PRKCH: variants seen among roughly 807,000 people sequenced by gnomAD.
PRKCH encodes protein kinase C eta.
Under a neutral mutation model 82.5 loss-of-function variants are expected in PRKCH, and 28 were observed. The ratio of observed to expected loss-of-function variants is 0.34; its 90% CI spans 0.25 to 0.47. The LOEUF is 0.47. Ranked by LOEUF, PRKCH falls within the 20% of genes least tolerant of loss-of-function variation. The probability of loss-of-function intolerance (pLI) is 1.00; values close to 1 mark genes in which losing one functional copy is unlikely to be tolerated. For missense variants in PRKCH, 705 were observed against 881.8 expected (o/e 0.80, Z 2.54); for synonymous variants, 322 against 327.4 (o/e 0.98, Z 0.18).
At chr14:61,435,873 A>C (rs1032568468) in intron 2 of PRKCH, among the ~76,000 whole-genome samples, 3 of 152,200 alleles carry the variant, frequency 2.0e-5, no homozygotes, top group Non-Finnish European at 4.4e-5. Context: ...TGGGTGGAGG[A>C]GAAAAGCCAG....
At chr14:61,447,133 A>C (rs1243462870) in intron 4 of PRKCH, among the ~76,000 whole-genome samples, 1 of 152,252 alleles carries the variant, frequency 6.6e-6, no homozygotes, top group Admixed American at 6.5e-5. Context: ...CAGACTTCAG[A>C]AAAAGGAAAA....
intron 12 of PRKCH, among the ~76,000 whole-genome samples, chr14:61,540,685 G>A (rs1219097512): frequency 2.6e-5 from 4 of 152,122 alleles, no homozygotes; most frequent in Non-Finnish European, 5.9e-5. Flanking sequence ...TGTATCAAAC[G>A]GTATCATTCT....
At chr14:61,484,084 A>G (rs559247174) in intron 9 of PRKCH, among the ~76,000 whole-genome samples, 1 of 152,232 alleles carries the variant, frequency 6.6e-6, no homozygotes, top group South Asian at 2.1e-4. Context: ...ATCCGTTGGT[A>G]AAATACCACT....
chr14:61,301,928 G>T (rs1156718111), intron 1 of PRKCH, among the ~76,000 whole-genome samples: 2 of 152,196 alleles, frequency 1.3e-5, no homozygotes, highest in East Asian at 3.8e-4. Context: ...TTATGATATA[G>T]AATTTTTTTC....
At chr14:61,495,104 T>G (rs1459624133) in intron 10 of PRKCH, among the ~76,000 whole-genome samples, 2 of 152,232 alleles carry the variant, frequency 1.3e-5, no homozygotes, top group African/African-American at 4.8e-5. Context: ...GTTTGATGGT[T>G]AATTTGAGAG....
At chr14:61,293,288 A>T (rs2045379057) in intron 1 of PRKCH, among the ~76,000 whole-genome samples, 1 of 152,196 alleles carries the variant, frequency 6.6e-6, no homozygotes. Context: ...CTCATCTCAA[A>T]TGACCATGGC....
chr14:61,223,889 T>TCTGG (rs2044674596), intron 1 of PRKCH, among the ~76,000 whole-genome samples: 1 of 152,220 alleles, frequency 6.6e-6, no homozygotes, highest in Admixed American at 6.5e-5. Flanking sequence ...CACCCACATG[T>TCTGG]CTGGCCCTCA....
intron 1 of PRKCH, among the ~76,000 whole-genome samples, chr14:61,216,610 A>G (rs1320052503): frequency 6.6e-6 from 1 of 152,178 alleles, no homozygotes; most frequent in Non-Finnish European, 1.5e-5. Context: ...TTTCACCTCT[A>G]CTTTTCCAAG....
chr14:61,193,939 T>C (rs1303269303), intron 1 of PRKCH, among the ~76,000 whole-genome samples: 1 of 152,218 alleles, frequency 6.6e-6, no homozygotes, highest in Non-Finnish European at 1.5e-5. Flanking sequence ...TTTCCTGCTT[T>C]TCTGAAATTA....
chr14:61,517,931 T>A (rs2042850781), intron 10 of PRKCH, among the ~76,000 whole-genome samples: 1 of 152,218 alleles, frequency 6.6e-6, no homozygotes, highest in African/African-American at 2.4e-5. Flanking sequence ...TGATCCTGTT[T>A]GTCCTCCTGC....
chr14:61,503,998 AG>A (rs1179345169), intron 10 of PRKCH, among the ~76,000 whole-genome samples: 3 of 152,170 alleles, frequency 2.0e-5, no homozygotes, highest in African/African-American at 7.2e-5. Flanking sequence ...CAAGATAAGA[AG>A]GGTTCAATTA....
chr14:61,383,954 A>T (rs1307888083), intron 1 of PRKCH, among the ~76,000 whole-genome samples: 1 of 152,322 alleles, frequency 6.6e-6, no homozygotes, highest in Non-Finnish European at 1.5e-5. Flanking sequence ...CAGGTGGAGC[A>T]GGGTGTTTTA....
At chr14:61,245,218 G>C (rs184917295) in intron 1 of PRKCH, among the ~76,000 whole-genome samples, 76 of 152,316 alleles carry the variant, frequency 5.0e-4, no homozygotes, top group African/African-American at 1.7e-3. Flanking sequence ...AGATCTGTGA[G>C]GCCTGCTTCT....
chr14:61,308,211 A>G (rs2045496585), intron 1 of PRKCH, among the ~76,000 whole-genome samples: 1 of 152,218 alleles, frequency 6.6e-6, no homozygotes, highest in African/African-American at 2.4e-5. Flanking sequence ...TCTGATTGCT[A>G]TTACATAAAT....
intron 1 of PRKCH, among the ~76,000 whole-genome samples, chr14:61,379,412 C>T (rs10149384): frequency 2.0e-5 from 3 of 152,078 alleles, no homozygotes; most frequent in Non-Finnish European, 4.4e-5. Context: ...TCCAAAGTTT[C>T]CCTGCAGACT....
intron 1 of PRKCH, among the ~76,000 whole-genome samples, chr14:61,389,724 G>A (rs1173568538): frequency 6.6e-6 from 1 of 151,444 alleles, no homozygotes; most frequent in African/African-American, 2.4e-5. Flanking sequence ...GAGAAAAAAT[G>A]CTAAATAATG....
At chr14:61,546,025 A>G (rs1327746227) in intron 12 of PRKCH, among the ~76,000 whole-genome samples, 2 of 152,180 alleles carry the variant, frequency 1.3e-5, no homozygotes, top group Non-Finnish European at 2.9e-5. Context: ...CTGTCTCCCA[A>G]GTTTTTTGCA....
chr14:61,416,967 G>C (rs12434139), intron 2 of PRKCH, among the ~76,000 whole-genome samples: 28,582 of 152,048 alleles, frequency 0.19, 3,066 homozygotes, highest in Admixed American at 0.34. Context: ...TTTGTCCTCA[G>C]GTGAAATTCT....
At chr14:61,486,106 T>C (rs1258907263) in intron 10 of PRKCH, among the ~76,000 whole-genome samples, 1 of 152,210 alleles carries the variant, frequency 6.6e-6, no homozygotes, top group Non-Finnish European at 1.5e-5. Flanking sequence ...AGACTGTTTA[T>C]TCATGAATTG....
Sources: gnomAD v4.1 joint callset for allele counts (sites outside exome capture counted in the v4.1 genomes callset) on GRCh38, gnomAD v4.1.1 for gene constraint, MANE v1.5 for transcripts, NCBI Gene and HGNC (gene_info 2026-07-23, HGNC 2026-07-21) for gene names.